Variants in SERPINI1 observed in about 807,000 individuals in gnomAD.
SERPINI1 encodes the protein serpin family I member 1, also known as neuroserpin.
In SERPINI1, 19 loss-of-function variants were observed where a neutral mutation model predicts 41.1. That is an observed-to-expected ratio of 0.46 (90% CI 0.32 to 0.68). The LOEUF (loss-of-function observed/expected upper bound fraction) is 0.68, where lower values mean the gene tolerates loss of function less well. Ranked by LOEUF, SERPINI1 falls within the 30% of genes least tolerant of loss-of-function variation. The probability of loss-of-function intolerance (pLI) is 0.03; values close to 1 mark genes in which losing one functional copy is unlikely to be tolerated. For synonymous variants in SERPINI1, 138 were observed against 156.6 expected (o/e 0.88, Z 0.89); for missense variants, 460 against 479.2 (o/e 0.96, Z 0.37).
At chr3:167,778,453 G>C (rs1232684969) in intron 1 of SERPINI1, among the ~76,000 whole-genome samples, 1 of 152,148 alleles carries the variant, frequency 6.6e-6, no homozygotes, top group East Asian at 1.9e-4. Flanking sequence ...GATTGGTTGG[G>C]GATGAAATCA....
rs762799907 is a variant in SERPINI1, at chr3:167,794,817, C to T, written c.874C>T (p.Leu292=). The T allele has an allele frequency of 1.2e-6, 2 of 1,612,662 alleles. No individual in the cohort carries two copies. Among genetic ancestry groups the T allele is most frequent in the South Asian group, 2.2e-5 (2 of 90,992 alleles). Residue 292 remains leucine (L), a synonymous_variant, in exon 5 of 9, where the codon CTG becomes TTG. Transcript: ENST00000446050. ...SVKKQKVEVY[L]PRFTVEQEID... ...GAAGAAGCAAAAAGTAGAAGTATAC[C>T]TGCCCAGGTATGAGGTTCCTGTGTC...
At chr3:167,755,518 G>A (rs1726165690) in intron 1 of SERPINI1, among the ~76,000 whole-genome samples, 1 of 152,158 alleles carries the variant, frequency 6.6e-6, no homozygotes, top group Non-Finnish European at 1.5e-5. Context: ...GTTATTTTAG[G>A]TTAAGCAATT....
intron 1 of SERPINI1, among the ~76,000 whole-genome samples, chr3:167,753,463 G>T (rs1040876805): frequency 3.3e-5 from 5 of 152,096 alleles, no homozygotes; most frequent in African/African-American, 1.2e-4. Context: ...CTAATGTATA[G>T]CAGGTACTCA....
chr3:167,807,569 A>G (rs528127908), intron 6 of SERPINI1, among the ~76,000 whole-genome samples: 1 of 152,186 alleles, frequency 6.6e-6, no homozygotes, highest in South Asian at 2.1e-4. Context: ...AATAGATTAT[A>G]TTCTCCGGAA....
At chr3:167,768,454 A>T (rs912507377) in intron 1 of SERPINI1, among the ~76,000 whole-genome samples, 1 of 152,214 alleles carries the variant, frequency 6.6e-6, no homozygotes, top group Non-Finnish European at 1.5e-5. Flanking sequence ...GGCGACCTGG[A>T]TCCAGACCAG....
chr3:167,766,214 G>T (rs1374659982), intron 1 of SERPINI1, among the ~76,000 whole-genome samples: 1 of 138,038 alleles, frequency 7.2e-6, no homozygotes, highest in African/African-American at 2.9e-5. Context: ...CCAAGACTGG[G>T]CAATTTACCT....
chr3:167,758,476 G>T (rs1208988648), intron 1 of SERPINI1, among the ~76,000 whole-genome samples: 1 of 152,182 alleles, frequency 6.6e-6, no homozygotes, highest in Non-Finnish European at 1.5e-5. Context: ...ATTGATGAAT[G>T]TAGAAAGAAT....
At chr3:167,820,236 G>A (rs111561643) in intron 6 of SERPINI1, among the ~76,000 whole-genome samples, 10,416 of 152,178 alleles carry the variant, frequency 0.068, 1,244 homozygotes, top group African/African-American at 0.24. Flanking sequence ...TGGAGTGGCC[G>A]CTCCCATGAC....
intron 1 of SERPINI1, among the ~76,000 whole-genome samples, chr3:167,764,494 T>A (rs1330956606): frequency 6.6e-6 from 1 of 152,154 alleles, no homozygotes; most frequent in Non-Finnish European, 1.5e-5. Flanking sequence ...TTGGAAAGAC[T>A]TGCCCCCATG....
chr3:167,780,350 A>G (rs2108551211), intron 1 of SERPINI1, among the ~76,000 whole-genome samples: 1 of 152,294 alleles, frequency 6.6e-6, no homozygotes, highest in Admixed American at 6.5e-5. Flanking sequence ...CAATTTAATT[A>G]TATACCTGAG....
intron 1 of SERPINI1, among the ~76,000 whole-genome samples, chr3:167,786,946 C>G (rs1278969290): frequency 1.3e-5 from 2 of 152,312 alleles, no homozygotes; most frequent in Admixed American, 6.5e-5. Flanking sequence ...TGTGTAACAA[C>G]ACTTAAAACA....
chr3:167,737,126 TC>T (rs1230118392), intron 1 of SERPINI1, among the ~76,000 whole-genome samples: 3 of 152,176 alleles, frequency 2.0e-5, no homozygotes, highest in Non-Finnish European at 4.4e-5. Flanking sequence ...ATCCCAAATT[TC>T]TTTTTGAAAA....
At chr3:167,787,133 A>G (rs1452190916) in intron 1 of SERPINI1, among the ~76,000 whole-genome samples, 1 of 152,190 alleles carries the variant, frequency 6.6e-6, no homozygotes, top group African/African-American at 2.4e-5. Context: ...AGGTTAATCA[A>G]CATCACTGTC....
intron 1 of SERPINI1, among the ~76,000 whole-genome samples, chr3:167,770,027 A>C (rs1577408058): frequency 9.7e-6 from 1 of 103,216 alleles, no homozygotes; most frequent in Non-Finnish European, 2.0e-5. Flanking sequence ...AGGCATGTTT[A>C]CTTTTTTTTT....
intron 1 of SERPINI1, among the ~76,000 whole-genome samples, chr3:167,772,976 A>ATATG (rs1560002807): frequency 2.8e-5 from 4 of 143,422 alleles, no homozygotes; most frequent in African/African-American, 1.0e-4. Flanking sequence ...GTGTATATAT[A>ATATG]TGTATATATA....
At chr3:167,739,374 A>C (rs1299305854) in intron 1 of SERPINI1, among the ~76,000 whole-genome samples, 1 of 152,136 alleles carries the variant, frequency 6.6e-6, no homozygotes, top group East Asian at 1.9e-4. Flanking sequence ...GAGTCAGCTG[A>C]CCTCACAGAA....
chr3:167,741,987 G>C (rs1725692694), intron 1 of SERPINI1, among the ~76,000 whole-genome samples: 1 of 151,914 alleles, frequency 6.6e-6, no homozygotes, highest in South Asian at 2.1e-4. Flanking sequence ...AACAAAGTTT[G>C]TTTTTGTATT....
At chr3:167,769,087 A>G (rs1382737966) in intron 1 of SERPINI1, among the ~76,000 whole-genome samples, 1 of 152,028 alleles carries the variant, frequency 6.6e-6, no homozygotes, top group Non-Finnish European at 1.5e-5. Context: ...TCTGCCTCCC[A>G]GGTTCAGAGA....
intron 1 of SERPINI1, among the ~76,000 whole-genome samples, chr3:167,764,859 A>G (rs1487434812): frequency 1.3e-5 from 2 of 152,226 alleles, no homozygotes; most frequent in African/African-American, 4.8e-5. Context: ...AAGGGGCTAA[A>G]GGAACCATGC....
Sources: gnomAD v4.1 joint callset for allele counts (sites outside exome capture counted in the v4.1 genomes callset) on GRCh38, gnomAD v4.1.1 for gene constraint, MANE v1.5 for transcripts, NCBI Gene and HGNC (gene_info 2026-07-23, HGNC 2026-07-21) for gene names.